Variants in FSIP2 observed in about 807,000 individuals in gnomAD.
FSIP2 encodes the protein fibrous sheath interacting protein 2.
Under a neutral mutation model 510.5 loss-of-function variants are expected in FSIP2, and 367 were observed. The ratio of observed to expected loss-of-function variants is 0.72; its 90% CI spans 0.66 to 0.78. The LOEUF (loss-of-function observed/expected upper bound fraction) is 0.78, where lower values mean the gene tolerates loss of function less well. Among genes scored for constraint, FSIP2 ranks in the 30% least tolerant of loss-of-function variants. The pLI, the probability that FSIP2 is intolerant of heterozygous loss-of-function variation, is 0.00. For synonymous variants in FSIP2, 2,601 were observed against 2,732.2 expected, an observed-to-expected ratio of 0.95 and a Z score of 1.50; for missense variants, 7,594 against 7,901.7, an observed-to-expected ratio of 0.96 and a Z score of 1.48.
Position 185,799,867 on chromosome 2 carries a change from G to T in FSIP2, c.10561G>T (p.Gly3521Cys), listed in dbSNP as rs765783258. ...TSSISDGTKK[G>C]REKEKAWEIQ... ...GAGCATTTCTGATGGCACCAAAAAG[G>T]GTAGAGAAAAAGAGAAAGCATGGGA... Residue 3521 changes from glycine (G) to cysteine (C), a missense_variant, in exon 17 of 23, where the codon GGT becomes TGT. Transcript: ENST00000424728. The T allele has an allele frequency of 2.0e-6, 3 of 1,533,192 alleles. No individual in the cohort carries two copies. The highest frequency in any genetic ancestry group is 2.6e-6 in the Non-Finnish European group (3 of 1,145,222). The allele number at this position is 1,533,192 out of a possible 1,614,324, so 95.0% of individuals were successfully genotyped here.
rs182397680 is a variant in FSIP2, at chr2:185,806,177, A to G, written c.16871A>G (p.Asp5624Gly). 1.9e-6 allele frequency: 3 copies of G among 1,586,160 alleles called. No homozygotes were observed. Among genetic ancestry groups the G allele is most frequent in the East Asian group, 2.2e-5 (1 of 44,704 alleles). ...AGGGAAAGCTCATTTAAAAAAGATG[A>G]CAAGCTCTTTCAGTTATCCTCCTTG... is the stretch of plus-strand genomic sequence containing the variant. ...NARESSFKKD[D>G]KLFQLSSLKS... Residue 5624 changes from aspartate to glycine, a missense_variant, in exon 17 of 23, where the codon GAC (aspartate) becomes GGC (glycine). Asp to Gly is a moderately conservative substitution (Grantham distance 94). Coordinates refer to ENST00000424728, the MANE Select transcript of FSIP2 (RefSeq NM_173651.4).
intron 8 of FSIP2, among the ~76,000 whole-genome samples, 157 bp downstream of exon 8, chr2:185,753,999 G>T (rs2105545350): frequency 6.6e-6 from 1 of 151,532 alleles, no homozygotes; most frequent in East Asian, 1.9e-4. Flanking sequence ...TTGAAAAGTA[G>T]GCATATATGT....
At chr2:185,739,022 C>G (rs1443964644) in intron 1 of FSIP2, 29 bp downstream of exon 1, 15 of 1,523,934 alleles carry the variant, frequency 9.8e-6, no homozygotes, top group East Asian at 2.5e-5. Context: ...GGCGGCGTCG[C>G]CCTCTGGCGG....
At chr2:185,819,807 G>A (rs1693882708) in intron 19 of FSIP2, among the ~76,000 whole-genome samples, 1 of 149,350 alleles carries the variant, frequency 6.7e-6, no homozygotes, top group Non-Finnish European at 1.5e-5. Context: ...ATGATGTTTG[G>A]TAGGTTAGAT....
chr2:185,810,578 C>T (rs6754064), intron 17 of FSIP2, among the ~76,000 whole-genome samples: 44,229 of 135,036 alleles, frequency 0.33, 7,226 homozygotes, highest in Middle Eastern at 0.47. Flanking sequence ...ATTACCTACT[C>T]TCAGGAATTT....
At position 185,828,158 on chromosome 2, in the gene FSIP2, A is replaced by G; in HGVS notation, c.20476A>G (p.Ser6826Gly). 2 of 1,570,670 alleles carry G rather than the reference A, an allele frequency of 1.3e-6. No homozygotes were observed. The highest frequency in any genetic ancestry group is 2.2e-5 in the South Asian group (2 of 89,560). The part of the protein sequence containing the change: ...SDPSAKILEE[S>G]SQEQKPEHGN... The stretch of plus-strand genomic sequence containing the variant: ...TTTTTTTTTTTTAATCTCTACAGAA[A>G]GTTCTCAGGAACAAAAGCCAGAGCA... Residue 6826 changes from serine to glycine, a missense_variant and splice_region_variant, in exon 21 of 23, where the codon AGT becomes GGT. Ser to Gly is a moderately conservative substitution (Grantham distance 56). Transcript: ENST00000424728.
intron 9 of FSIP2, among the ~76,000 whole-genome samples, chr2:185,760,073 T>C (rs1281111241): frequency 6.6e-6 from 1 of 151,030 alleles, no homozygotes; most frequent in East Asian, 1.9e-4. Flanking sequence ...ATGTATTTCT[T>C]TATTATTTCA....
In FSIP2 at chr2:185,791,767, G is replaced by A. The variant is rs759170912; in HGVS notation, c.4631G>A (p.Arg1544Lys). The change falls in exon 16 of 23, where the codon AGG (arginine) becomes AAG (lysine). Residue 1544 changes from arginine to lysine, a missense_variant. By Grantham distance (26) the Arg-to-Lys change is conservative (BLOSUM62 2). Coordinates refer to ENST00000424728, the MANE Select transcript of FSIP2 (RefSeq NM_173651.4). ...TKIISSIVSR[R>K]VQEDNKEETK... The stretch of plus-strand genomic sequence containing the variant: ...ATAATCTCCAGCATAGTTTCCAGAA[G>A]GGTTCAGGAGGACAATAAAGAAGAG... 227 of 1,534,386 alleles carry A rather than the reference G, an allele frequency of 1.5e-4. 1 individual carries two copies. Among genetic ancestry groups the A allele is most frequent in the Non-Finnish European group, 1.9e-4 (212 of 1,145,666 alleles).
intron 10 of FSIP2, 107 bp from the exon 11 acceptor site, chr2:185,761,865 A>C (rs1051638234): frequency 1.6e-5 from 9 of 563,534 alleles, no homozygotes; most frequent in African/African-American, 3.8e-5. Flanking sequence ...TTACTGGTTA[A>C]AAGAGGGAAA....
At chr2:185,763,758 G>C (rs548031582) in intron 12 of FSIP2, among the ~76,000 whole-genome samples, 13 of 151,566 alleles carry the variant, frequency 8.6e-5, no homozygotes, top group Non-Finnish European at 1.8e-4. Context: ...GTTTGAAATA[G>C]ATTTCAATAA....
At position 185,793,339 on chromosome 2, in the gene FSIP2, A is replaced by G; in HGVS notation, c.6203A>G (p.Gln2068Arg). ...TCTGACAAAGAGATCGATTTAGATC[A>G]GCAAAAAGGTGTTATTGAAAAGCTG... is the stretch of plus-strand genomic sequence containing the variant. The part of the protein sequence containing the change: ...NSSDKEIDLD[Q>R]QKGVIEKLLN... The change falls in exon 16 of 23, where the codon CAG (glutamine) becomes CGG (arginine). Residue 2068 changes from glutamine (Q) to arginine (R), a missense_variant. Physicochemically the swap from Gln to Arg is conservative, Grantham distance 43. Coordinates refer to ENST00000424728, the MANE Select transcript of FSIP2 (RefSeq NM_173651.4). 6.5e-7 allele frequency: 1 copy of G among 1,534,204 alleles called. No individual in the cohort carries two copies. The highest frequency in any genetic ancestry group is 8.7e-7 in the Non-Finnish European group (1 of 1,145,636).
chr2:185,797,220 T>A lies in FSIP2; in HGVS notation c.10084T>A (p.Ser3362Thr), dbSNP rs1242586258. ...NREIMKPFFISKQSSLSEVSG... is the reference protein window; with the variant it reads ...NREIMKPFFITKQSSLSEVSG... Reference sequence around the variant, plus strand: ...GGAAATAATGAAACCATTTTTCATATCAAAACAAAGCTCTTTATCTGAAGT... The same window carrying A: ...GGAAATAATGAAACCATTTTTCATAACAAAACAAAGCTCTTTATCTGAAGT... Residue 3362 changes from serine (S) to threonine (T), a missense_variant, in exon 16 of 23, where the codon TCA (serine) becomes ACA (threonine). Physicochemically the swap from Ser to Thr is moderately conservative, Grantham distance 58. Coordinates refer to ENST00000424728, the MANE Select transcript of FSIP2 (RefSeq NM_173651.4). 6.5e-7 allele frequency: 1 copy of A among 1,534,940 alleles called. No individual in the cohort carries two copies. Among genetic ancestry groups the A allele is most frequent in the Non-Finnish European group, 8.7e-7 (1 of 1,146,270 alleles).
At chr2:185,811,584 C>T (rs1693731715) in intron 17 of FSIP2, among the ~76,000 whole-genome samples, 1 of 151,486 alleles carries the variant, frequency 6.6e-6, no homozygotes, top group African/African-American at 2.4e-5. Flanking sequence ...ACTACCAGTT[C>T]TTAGAGAAAG....
At chr2:185,742,137 A>G (rs1691936428) in intron 2 of FSIP2, among the ~76,000 whole-genome samples, 1 of 152,182 alleles carries the variant, frequency 6.6e-6, no homozygotes, top group African/African-American at 2.4e-5. Context: ...GCTATTATAA[A>G]ACTTAGTTTT....
Position 185,805,858 on chromosome 2 carries a change from A to G in FSIP2, c.16552A>G (p.Lys5518Glu). Residue 5518 changes from lysine to glutamate, a missense_variant, in exon 17 of 23, where the codon AAG (lysine) becomes GAG (glutamate). Lys to Glu is a moderately conservative substitution (Grantham distance 56). Transcript: ENST00000424728. ...SGLATGVTNKKEVDENKVGIC... is the reference protein window; with the variant it reads ...SGLATGVTNKEEVDENKVGIC... ...GTTGGCTACAGGTGTGACAAATAAA[A>G]AGGAAGTGGATGAAAATAAAGTGGG... 1 of 1,608,570 alleles carries G rather than the reference A, an allele frequency of 6.2e-7. No individual in the cohort carries two copies. Among genetic ancestry groups the G allele is most frequent in the Non-Finnish European group, 8.5e-7 (1 of 1,177,732 alleles).
At chr2:185,798,375 A>G (rs1693349476) in intron 16 of FSIP2, among the ~76,000 whole-genome samples, 1 of 151,850 alleles carries the variant, frequency 6.6e-6, no homozygotes, top group Admixed American at 6.6e-5. Flanking sequence ...CATTACAGGG[A>G]TTATATTTGC....
rs1691860889 is a variant in FSIP2 at position 185,739,009 on chromosome 2, C to T, written c.99+16C>T. Reference sequence around the variant, plus strand: ...GTGCAGAGACGTGAGTGGCCGCAAGCTGGGCGGCGTCGCCCTCTGGCGGCC... The same window carrying T: ...GTGCAGAGACGTGAGTGGCCGCAAGTTGGGCGGCGTCGCCCTCTGGCGGCC... On this transcript the variant is annotated intron_variant, in intron 1 of 22. Transcript: ENST00000424728. The T allele has an allele frequency of 6.5e-7, 1 of 1,529,232 alleles. No individual in the cohort carries two copies. The highest frequency in any genetic ancestry group is 8.7e-7 in the Non-Finnish European group (1 of 1,144,496). The allele number at this position is 1,529,232 out of a possible 1,614,324, so 94.7% of individuals were successfully genotyped here.
chr2:185,743,604 A>G (rs1224417605), intron 3 of FSIP2, among the ~76,000 whole-genome samples: 1 of 152,146 alleles, frequency 6.6e-6, no homozygotes, highest in Non-Finnish European at 1.5e-5. Context: ...TCTGTCTTTA[A>G]TGGCACTGTA....
At chr2:185,762,747 C>T (rs1337086304) in intron 11 of FSIP2, among the ~76,000 whole-genome samples, 1 of 151,472 alleles carries the variant, frequency 6.6e-6, no homozygotes, top group Non-Finnish European at 1.5e-5. Flanking sequence ...TTGCAGTAAT[C>T]TTCCTCCAAT....
Sources: gnomAD v4.1 joint callset for allele counts (sites outside exome capture counted in the v4.1 genomes callset) on GRCh38, gnomAD v4.1.1 for gene constraint, MANE v1.5 for transcripts, NCBI Gene and HGNC (gene_info 2026-07-23, HGNC 2026-07-21) for gene names.